The following MMACHC variants were observed in gnomAD, a reference collection of about 807,000 sequenced individuals.
MMACHC encodes metabolism of cobalamin associated C, also known as cyanocobalamin reductase / alkylcobalamin dealkylase.
A neutral mutation model predicts 17.6 loss-of-function variants in MMACHC; 14 were observed. The ratio of observed to expected loss-of-function variants is 0.80; its 90% CI spans 0.53 to 1.25. The LOEUF (loss-of-function observed/expected upper bound fraction) is 1.25. Ranked by LOEUF, MMACHC falls within the 50% of genes most tolerant of loss-of-function variation. The probability of loss-of-function intolerance (pLI) is 0.00; values close to 1 mark genes in which losing one functional copy is unlikely to be tolerated. For synonymous variants in MMACHC, 151 were observed against 142.1 expected, an observed-to-expected ratio of 1.06 and a Z score of -0.45; for missense variants, 392 against 364.5, an observed-to-expected ratio of 1.08 and a Z score of -0.62.
Position 45,508,316 on chromosome 1 carries a change from TTAC to T in MMACHC, c.388_390del (p.Tyr130del), listed in dbSNP as rs796051998. 4.0e-5 allele frequency: 64 copies of T among 1,614,200 alleles called. No individual in the cohort carries two copies. Among genetic ancestry groups the T allele is most frequent in the South Asian group, 1.4e-4 (13 of 91,078 alleles). ...CAGCAGCCCATGTAGCTGGGGCTGCTTACTACTACCAACGACAAGATGTGGAGG... is the reference window on the plus strand; with the variant it reads ...CAGCAGCCCATGTAGCTGGGGCTGCTTACTACCAACGACAAGATGTGGAGG... On this transcript the variant is annotated inframe_deletion, in exon 3 of 4. Transcript: ENST00000401061.
intron 1 of MMACHC, among the ~76,000 whole-genome samples, chr1:45,502,475 T>G (rs1225840480): frequency 6.6e-6 from 1 of 152,094 alleles, no homozygotes; most frequent in Non-Finnish European, 1.5e-5. Context: ...TGGCCTCAAG[T>G]GATCCTCCTG....
intron 1 of MMACHC, among the ~76,000 whole-genome samples, chr1:45,503,431 C>CTT (rs10607418): frequency 9.7e-4 from 75 of 77,046 alleles, no homozygotes; most frequent in Non-Finnish European, 1.1e-3. Flanking sequence ...TAACTCTCTG[C>CTT]TTTTTTTTTT....
chr1:45,502,564 C>T (rs1371624629), intron 1 of MMACHC, among the ~76,000 whole-genome samples: 1 of 152,154 alleles, frequency 6.6e-6, no homozygotes, highest in African/African-American at 2.4e-5. Context: ...TTAAAATACA[C>T]ACCAGTGAGT....
At chr1:45,508,727 G>C in intron 3 of MMACHC, 69 bp from the exon 4 acceptor site, 1 of 1,536,020 alleles carries the variant, frequency 6.5e-7, no homozygotes, top group Non-Finnish European at 8.8e-7. Context: ...GGCCTAGCTT[G>C]CAATGATGGC....
chr1:45,506,723 G>A (rs1005223999), intron 1 of MMACHC, among the ~76,000 whole-genome samples: 3 of 151,808 alleles, frequency 2.0e-5, no homozygotes, highest in African/African-American at 7.3e-5. Context: ...CAGACCTTAG[G>A]TGATCCACCT....
chr1:45,509,461 T>G lies in MMACHC; in HGVS notation c.*246T>G. The stretch of plus-strand genomic sequence containing the variant: ...CAGAGTCTTACTCTGTCACCTAGGC[T>G]GGAGTGCAGTGGCACAGTCTCTACT... On this transcript the variant is annotated 3_prime_UTR_variant, in exon 4 of 4. Coordinates refer to ENST00000401061, the MANE Select transcript of MMACHC (RefSeq NM_015506.3). 1 of 433,334 alleles carries G rather than the reference T, an allele frequency of 2.3e-6. No homozygotes were observed. The highest frequency in any genetic ancestry group is 4.0e-6 in the Non-Finnish European group (1 of 248,760). The allele number at this position is 433,334 out of a possible 1,614,324, so 26.8% of individuals were successfully genotyped here. A position where few individuals can be genotyped will look rare whatever the true frequency, so the allele number is the denominator to read the frequency against.
chr1:45,508,188 C>A (rs761666475), intron 2 of MMACHC, 24 bp from the exon 3 acceptor site: 65 of 1,613,522 alleles, frequency 4.0e-5, no homozygotes, highest in Non-Finnish European at 5.5e-5. Context: ...CTGACAGTAC[C>A]CTCTATTTTG....
In MMACHC at chr1:45,509,413, TGAG is replaced by T; in HGVS notation, c.*199_*201del. 1 of 552,466 alleles carries T rather than the reference TGAG, an allele frequency of 1.8e-6. No individual in the cohort carries two copies. Among genetic ancestry groups the T allele is most frequent in the Non-Finnish European group, 3.0e-6 (1 of 336,930 alleles). 34.2% of individuals were successfully genotyped at this position (552,466 alleles called of 1,614,324 possible). A position where few individuals can be genotyped will look rare whatever the true frequency, so the allele number is the denominator to read the frequency against. Reference sequence around the variant, plus strand: ...ACCAGAATTCCCATCTGCCTTCAAATGAGTTTTTTTTTTTTTTTTAGACAGAGT... The same window carrying T: ...ACCAGAATTCCCATCTGCCTTCAAATTTTTTTTTTTTTTTTTAGACAGAGT... On this transcript the variant is annotated 3_prime_UTR_variant, in exon 4 of 4. Transcript: ENST00000401061.
At chr1:45,500,925 C>A (rs984019923) in intron 1 of MMACHC, among the ~76,000 whole-genome samples, 1 of 151,352 alleles carries the variant, frequency 6.6e-6, no homozygotes, top group Non-Finnish European at 1.5e-5. Flanking sequence ...CATATAATGC[C>A]GGATTCGTTA....
In MMACHC at chr1:45,512,063, ATT is replaced by A. The variant is rs1643759077; in HGVS notation, c.*2852_*2853del. 3 of 63,400 alleles carry A rather than the reference ATT, an allele frequency of 4.7e-5. No homozygotes were observed. The highest frequency in any genetic ancestry group is 1.7e-4 in the African/African-American group (3 of 17,866). The allele number at this position is 63,400 out of a possible 1,614,324, so 3.9% of individuals were successfully genotyped here. A position where few individuals can be genotyped will look rare whatever the true frequency, so the allele number is the denominator to read the frequency against. On this transcript the variant is annotated 3_prime_UTR_variant, in exon 4 of 4. Transcript: ENST00000401061. ...AATGAGGCAAGGGGACTAATCTCTT[ATT>A]TTTCTTTTTTTTTTTTTTTTTTTTT...
chr1:45,501,850 C>T (rs937952807), intron 1 of MMACHC, among the ~76,000 whole-genome samples: 1 of 152,076 alleles, frequency 6.6e-6, no homozygotes, highest in African/African-American at 2.4e-5. Flanking sequence ...CCTACCCCCA[C>T]ATCCAATCAG....
chr1:45,502,458 G>A (rs1322012187), intron 1 of MMACHC, among the ~76,000 whole-genome samples: 3 of 151,958 alleles, frequency 2.0e-5, no homozygotes, highest in African/African-American at 4.8e-5. Flanking sequence ...GGCTGGTCTT[G>A]AACTCCTGGC....
At chr1:45,508,401 T>C in intron 3 of MMACHC, 37 bp downstream of exon 3, 1 of 1,610,872 alleles carries the variant, frequency 6.2e-7, no homozygotes, top group Non-Finnish European at 8.5e-7. Context: ...TGAGATAGAC[T>C]GGTAAAGGCC....
chr1:45,500,962 G>T lies in MMACHC; in HGVS notation c.81+549G>T, dbSNP rs191136869. Among the ~76,000 whole-genome samples the T allele has an allele frequency of 1.1e-4, 17 of 151,812 alleles. No homozygotes were observed. In the South Asian group the frequency reaches 1.9e-3, roughly 17 times the overall value. On this transcript the variant is annotated intron_variant, in intron 1 of 3. Transcript: ENST00000401061. ...CGGGAGACACCATATGACCTGTAGCGTGTGTGGCTCAGATTGTCACCTATA... is the reference window on the plus strand; with the variant it reads ...CGGGAGACACCATATGACCTGTAGCTTGTGTGGCTCAGATTGTCACCTATA...
chr1:45,508,923 G>A lies in MMACHC; in HGVS notation c.557G>A (p.Arg186Lys), dbSNP rs777345540. 2 of 1,614,210 alleles carry A rather than the reference G, an allele frequency of 1.2e-6. No individual in the cohort carries two copies. The highest frequency in any genetic ancestry group is 2.2e-5 in the South Asian group (2 of 91,076). The change falls in exon 4 of 4, where the codon AGA becomes AAA. Residue 186 changes from arginine (R) to lysine (K), a missense_variant. By Grantham distance (26) the Arg-to-Lys change is conservative. Coordinates refer to ENST00000401061, the MANE Select transcript of MMACHC (RefSeq NM_015506.3). The part of the protein sequence containing the change: ...PRKPHDCVPT[R>K]ADRIALLEGF... ...AAACCTCATGACTGTGTACCTACAA[G>A]AGCTGACCGTATCGCCCTACTCGAA...
chr1:45,508,686 T>TAG lies in MMACHC; in HGVS notation c.430-109_430-108dup, dbSNP rs151218987. ...GCCAAGAAAAGGACAGAGGTTTATG[T>TAG]AGTCAGTGTACACTGAGTGGGAAGT... On this transcript the variant is annotated intron_variant, in intron 3 of 3. Coordinates refer to ENST00000401061, the MANE Select transcript of MMACHC (RefSeq NM_015506.3). 3.5e-3 allele frequency: 4,342 copies of TAG among 1,228,922 alleles called. 81 individuals carry two copies. The African/African-American group carries it at 0.041, about 12-fold the overall frequency. 76.1% of individuals were successfully genotyped at this position (1,228,922 alleles called of 1,614,324 possible). A position where few individuals can be genotyped will look rare whatever the true frequency, so the allele number is the denominator to read the frequency against.
In MMACHC at chr1:45,509,839, TGGGAGGCCGA is replaced by T. The variant is rs1643705877; in HGVS notation, c.*627_*636del. On this transcript the variant is annotated 3_prime_UTR_variant, in exon 4 of 4. Transcript: ENST00000401061. ...GCTCCCGCCTGTAATCCCAGCACTCTGGGAGGCCGAGGCAGGTGGATCATGAGGTCGAGTT... is the reference window on the plus strand; with the variant it reads ...GCTCCCGCCTGTAATCCCAGCACTCTGGCAGGTGGATCATGAGGTCGAGTT... 1 of 151,226 alleles carries T rather than the reference TGGGAGGCCGA, an allele frequency of 6.6e-6. No individual in the cohort carries two copies. Among genetic ancestry groups the T allele is most frequent in the African/African-American group, 2.4e-5 (1 of 41,086 alleles). The allele number at this position is 151,226 out of a possible 1,614,324, so 9.4% of individuals were successfully genotyped here.
At chr1:45,505,795 A>C (rs1397935413) in intron 1 of MMACHC, among the ~76,000 whole-genome samples, 1 of 150,892 alleles carries the variant, frequency 6.6e-6, no homozygotes, top group Non-Finnish European at 1.5e-5. Context: ...CCAGCTACTC[A>C]GGAGGCTGAG....
Position 45,508,273 on chromosome 1 carries a change from C to T in MMACHC, c.338C>T (p.Pro113Leu), listed in dbSNP as rs759127801. The T allele has an allele frequency of 6.2e-7, 1 of 1,614,176 alleles. No homozygotes were observed. Among genetic ancestry groups the T allele is most frequent in the Admixed American group, 1.7e-5 (1 of 60,012 alleles). ...TACGAGGTGCACCCCAACCGACGCC[C>T]CAAGATCCTGGCCCAGACAGCAGCC... ...ADYEVHPNRR[P>L]KILAQTAAHV... The change falls in exon 3 of 4, where the codon CCC (proline) becomes CTC (leucine). Residue 113 changes from proline to leucine, a missense_variant. Transcript: ENST00000401061.
Sources: allele counts gnomAD v4.1 joint callset (sites outside exome capture counted in the v4.1 genomes callset), GRCh38; gene constraint gnomAD v4.1.1; transcripts MANE v1.5; gene names NCBI Gene and HGNC (gene_info 2026-07-23, HGNC 2026-07-21).